The following ADAM29 variants were observed in gnomAD, a reference collection of about 807,000 sequenced individuals.
ADAM29 encodes ADAM metallopeptidase domain 29.
For missense variants in ADAM29, 969 were observed against 1,001.8 expected (o/e 0.97, Z 0.44); for synonymous variants, 367 against 342.3 (o/e 1.07, Z -0.80).
chr4:174,939,329 C>T (rs1579027476), intron 4 of ADAM29, among the ~76,000 whole-genome samples: 1 of 152,032 alleles, frequency 6.6e-6, no homozygotes. Context: ...CTGATGTCGG[C>T]TAAGAAGAGA....
In ADAM29 at chr4:174,976,089, T is replaced by C; in HGVS notation, c.564T>C (p.Ser188=). Residue 188 remains serine (S), a synonymous_variant, in exon 5 of 5, where the codon AGT becomes AGC. Transcript: ENST00000359240. ...TTGATAATTCCACTCAGAAGCAAAG[T>C]TCTTATGTGGGCTGGTGGATCCATT... is the stretch of plus-strand genomic sequence containing the variant. ...EEIDNSTQKQ[S]SYVGWWIHFR... is the part of the protein sequence containing the mutation. 1 of 1,612,094 alleles carries C rather than the reference T, an allele frequency of 6.2e-7. No homozygotes were observed. Among genetic ancestry groups the C allele is most frequent in the Non-Finnish European group, 8.5e-7 (1 of 1,179,714 alleles).
intron 4 of ADAM29, among the ~76,000 whole-genome samples, chr4:174,953,007 C>T (rs995397169): frequency 1.3e-5 from 2 of 152,184 alleles, no homozygotes; most frequent in Admixed American, 6.5e-5. Context: ...GAATGCTAGG[C>T]TGGGCGCGAT....
chr4:174,971,505 T>C (rs896852822), intron 4 of ADAM29, among the ~76,000 whole-genome samples: 2 of 152,326 alleles, frequency 1.3e-5, no homozygotes, highest in Admixed American at 6.5e-5. Flanking sequence ...CAGTTTCTTT[T>C]CTTTTAGAAC....
At chr4:174,925,942 C>T (rs938873518) in intron 2 of ADAM29, among the ~76,000 whole-genome samples, 2 of 152,116 alleles carry the variant, frequency 1.3e-5, no homozygotes, top group Non-Finnish European at 2.9e-5. Context: ...ACAATAACAA[C>T]ACTGCTTCAG....
At chr4:174,946,479 C>G (rs1744857160) in intron 4 of ADAM29, among the ~76,000 whole-genome samples, 1 of 151,962 alleles carries the variant, frequency 6.6e-6, no homozygotes, top group African/African-American at 2.4e-5. Context: ...TATTTAGATG[C>G]CCTTTATTTC....
chr4:174,967,195 A>G (rs1746203898), intron 4 of ADAM29, among the ~76,000 whole-genome samples: 1 of 152,298 alleles, frequency 6.6e-6, no homozygotes, highest in South Asian at 2.1e-4. Context: ...TAGTGAATCA[A>G]AGGGGCTTCA....
chr4:174,946,826 T>C lies in ADAM29; in HGVS notation c.-181+9813T>C, dbSNP rs928286635. ...TAGTTTCATTAGAAATGGTACCAGC[T>C]CTTCATTACACATCTGGTAGAATTT... On this transcript the variant is annotated intron_variant, in intron 4 of 4. Coordinates refer to ENST00000359240, the MANE Select transcript of ADAM29 (RefSeq NM_014269.4). 8.5e-5 allele frequency among the ~76,000 whole-genome samples: 13 copies of C among 152,260 alleles called. No homozygotes were observed. The South Asian group carries it at 1.7e-3, about 19-fold the overall frequency.
At chr4:174,958,609 G>T (rs140153385) in intron 4 of ADAM29, among the ~76,000 whole-genome samples, 1 of 151,756 alleles carries the variant, frequency 6.6e-6, no homozygotes, top group African/African-American at 2.4e-5. Context: ...CTATTTTACC[G>T]ATGTCATTAG....
At position 174,976,122 on chromosome 4, in the gene ADAM29, T is replaced by G; in HGVS notation, c.597T>G (p.Ile199Met). The change falls in exon 5 of 5, where the codon ATT becomes ATG. Residue 199 changes from isoleucine (I) to methionine (M), a missense_variant. By Grantham distance (10) the Ile-to-Met change is conservative (BLOSUM62 1). Coordinates refer to ENST00000359240, the MANE Select transcript of ADAM29 (RefSeq NM_014269.4). Reference sequence around the variant, plus strand: ...TGGGCTGGTGGATCCATTTTAGGATTGTTGAAATTGTAGTCGTCATTGATA... The same window carrying G: ...TGGGCTGGTGGATCCATTTTAGGATGGTTGAAATTGTAGTCGTCATTGATA... ...SYVGWWIHFRIVEIVVVIDNY... is the reference protein window; with the variant it reads ...SYVGWWIHFRMVEIVVVIDNY... The G allele has an allele frequency of 1.2e-6, 2 of 1,613,094 alleles. No individual in the cohort carries two copies. The highest frequency in any genetic ancestry group is 8.5e-7 in the Non-Finnish European group (1 of 1,179,856).
At chr4:174,956,911 C>T (rs1178643756) in intron 4 of ADAM29, among the ~76,000 whole-genome samples, 1 of 151,828 alleles carries the variant, frequency 6.6e-6, no homozygotes, top group Non-Finnish European at 1.5e-5. Context: ...AGTCATGTTC[C>T]ATACATGTAA....
intron 4 of ADAM29, among the ~76,000 whole-genome samples, chr4:174,950,052 G>C (rs1025062488): frequency 6.6e-6 from 1 of 152,068 alleles, no homozygotes; most frequent in Non-Finnish European, 1.5e-5. Context: ...AAAAACTTCA[G>C]TATCTCATTC....
rs551968906 is a variant in ADAM29, at chr4:174,923,441, G to A, written c.-451+2649G>A. ...AGGGTGAGTGCCCCATAAGCTGTTAGGAGCTGTTTCTTCAGATCAATGTCT... is the reference window on the plus strand; with the variant it reads ...AGGGTGAGTGCCCCATAAGCTGTTAAGAGCTGTTTCTTCAGATCAATGTCT... On this transcript the variant is annotated intron_variant, in intron 2 of 4. Coordinates refer to ENST00000359240, the MANE Select transcript of ADAM29 (RefSeq NM_014269.4). Among the ~76,000 whole-genome samples, 20 of 149,658 alleles carry A rather than the reference G, an allele frequency of 1.3e-4. No homozygotes were observed. The Middle Eastern group carries it at 0.01, about 78-fold the overall frequency.
chr4:174,945,708 T>G (rs1388976778), intron 4 of ADAM29, among the ~76,000 whole-genome samples: 1 of 152,142 alleles, frequency 6.6e-6, no homozygotes. Flanking sequence ...ATATTATGCA[T>G]GTGACTAGCC....
rs1746929196 is a variant in ADAM29 at position 174,977,594 on chromosome 4, T to C, written c.2069T>C (p.Leu690Ser). The C allele has an allele frequency of 3.3e-6, 5 of 1,528,950 alleles. No homozygotes were observed. The highest frequency in any genetic ancestry group is 4.5e-6 in the Non-Finnish European group (5 of 1,111,850). 94.7% of individuals were successfully genotyped at this position (1,528,950 alleles called of 1,614,324 possible). The change falls in exon 5 of 5, where the codon TTA becomes TCA. Residue 690 changes from leucine to serine, a missense_variant. Coordinates refer to ENST00000359240, the MANE Select transcript of ADAM29 (RefSeq NM_014269.4). ...CILLLIVLFILLCCLYRLCKK... is the reference protein window; with the variant it reads ...CILLLIVLFISLCCLYRLCKK... ...TTGTTGCTTATTGTTTTGTTTATTT[T>C]ATTATGTTGTCTTTATCGACTTTGT...
At chr4:174,948,993 G>A (rs1560875600) in intron 4 of ADAM29, among the ~76,000 whole-genome samples, 2 of 152,150 alleles carry the variant, frequency 1.3e-5, no homozygotes, top group African/African-American at 4.8e-5. Flanking sequence ...AGTCTTCAGC[G>A]AGGGGAAACT....
At chr4:174,970,869 T>TTATC (rs1746436931) in intron 4 of ADAM29, among the ~76,000 whole-genome samples, 1 of 152,126 alleles carries the variant, frequency 6.6e-6, no homozygotes, top group African/African-American at 2.4e-5. Context: ...CTTTTTTTCT[T>TTATC]TATCTAGCTA....
At chr4:174,935,690 T>C (rs1251856396) in intron 3 of ADAM29, among the ~76,000 whole-genome samples, 1 of 152,096 alleles carries the variant, frequency 6.6e-6, no homozygotes, top group Non-Finnish European at 1.5e-5. Context: ...GCTGCAGTCC[T>C]ACCATTTACT....
At chr4:174,944,391 C>A (rs4596220) in intron 4 of ADAM29, among the ~76,000 whole-genome samples, 7 of 152,020 alleles carry the variant, frequency 4.6e-5, no homozygotes, top group Non-Finnish European at 8.8e-5. Context: ...ATCTCACTCC[C>A]CAAGCTGTTG....
rs1231733540 is a variant in ADAM29 at position 174,978,011 on chromosome 4, C to T, written c.*23C>T. ...TAGAGCCAACCTCAGTTGATGCCTTCCCAGAGTCAACCTCCTGTGACGCCC... is the reference window on the plus strand; with the variant it reads ...TAGAGCCAACCTCAGTTGATGCCTTTCCAGAGTCAACCTCCTGTGACGCCC... On this transcript the variant is annotated 3_prime_UTR_variant, in exon 5 of 5. Coordinates refer to ENST00000359240, the MANE Select transcript of ADAM29 (RefSeq NM_014269.4). 1.2e-6 allele frequency: 2 copies of T among 1,604,368 alleles called. No homozygotes were observed. Among genetic ancestry groups the T allele is most frequent in the South Asian group, 2.2e-5 (2 of 90,256 alleles).
Sources: gnomAD v4.1 joint callset for allele counts (sites outside exome capture counted in the v4.1 genomes callset) on GRCh38, gnomAD v4.1.1 for gene constraint, MANE v1.5 for transcripts, NCBI Gene and HGNC (gene_info 2026-07-23, HGNC 2026-07-21) for gene names.